The following TMEM91 variants were observed in gnomAD, a reference collection of about 807,000 sequenced individuals.
The protein encoded by TMEM91 is transmembrane protein 91, also known as dispanin subfamily C member 3.
TMEM91 carries 6 observed loss-of-function variants against 13.3 expected under a neutral mutation model. The ratio of observed to expected loss-of-function variants is 0.45; its 90% CI spans 0.25 to 0.89. The LOEUF (loss-of-function observed/expected upper bound fraction) is 0.89, where lower values mean the gene tolerates loss of function less well. Among genes scored for constraint, TMEM91 ranks in the 40% least tolerant of loss-of-function variants. TMEM91 has a pLI of 0.19. For synonymous variants in TMEM91, 87 were observed against 101.7 expected (o/e 0.86, Z 0.87); for missense variants, 193 against 228.7 (o/e 0.84, Z 1.01).
chr19:41,370,393 T>TTTTATTTTATTTATTTATTTA (rs1555758242), intron 1 of TMEM91, among the ~76,000 whole-genome samples: 1 of 142,986 alleles, frequency 7.0e-6, no homozygotes, highest in East Asian at 2.0e-4. Context: ...TTTATTTTTA[T>TTTTATTTTATTTATTTATTTA]TTTATTTATT....
intron 3 of TMEM91, chr19:41,383,412 A>C (rs1301199864): frequency 8.2e-6 from 8 of 972,808 alleles, no homozygotes; most frequent in Non-Finnish European, 1.1e-5. Flanking sequence ...CCTCATCTGT[A>C]AAGTGGGAAT....
intron 1 of TMEM91, among the ~76,000 whole-genome samples, chr19:41,369,887 T>G (rs754479560): frequency 6.6e-6 from 1 of 152,174 alleles, no homozygotes; most frequent in Admixed American, 6.6e-5. Context: ...TGTTTAAAAC[T>G]GTATTGTTCA....
At position 41,371,459 on chromosome 19, in the gene TMEM91, C is replaced by T. The variant is rs1030815830; in HGVS notation, c.-29-6822C>T. ...TCTTTCTTTCTTTCTGTTGCTCTGTCTCCAGGCTGGAGTGCAGTGGCACAA... is the reference window on the plus strand; with the variant it reads ...TCTTTCTTTCTTTCTGTTGCTCTGTTTCCAGGCTGGAGTGCAGTGGCACAA... On this transcript the variant is annotated intron_variant, in intron 1 of 3. Coordinates refer to the TMEM91 transcript ENST00000413014. Among the ~76,000 whole-genome samples the T allele has an allele frequency of 1.1e-4, 16 of 147,084 alleles. No homozygotes were observed. In the South Asian group the frequency reaches 1.8e-3, roughly 16 times the overall value.
At chr19:41,382,622 A>G (rs2038915891) in intron 2 of TMEM91, 150 bp from the exon 3 acceptor site, 6 of 1,119,030 alleles carry the variant, frequency 5.4e-6, no homozygotes, top group Non-Finnish European at 7.5e-6. Context: ...TCAAACAAAC[A>G]CCGAAAGCCC....
At chr19:41,383,419 G>A in intron 3 of TMEM91, 1 of 1,022,128 alleles carries the variant, frequency 9.8e-7, no homozygotes, top group Non-Finnish European at 1.3e-6. Context: ...TGTAAAGTGG[G>A]AATAATTGCT....
At chr19:41,376,182 CAAG>C (rs2038714419), upstream of TMEM91, 1 of 145,072 alleles carries the variant, frequency 6.9e-6, no homozygotes, top group African/African-American at 2.6e-5. Flanking sequence ...ACAACAACAA[CAAG>C]AAAAACCCGG....
In TMEM91 at chr19:41,376,776, C is replaced by G. The variant is rs550259930; in HGVS notation, c.-108C>G. 1 of 152,252 alleles carries G rather than the reference C, an allele frequency of 6.6e-6. No homozygotes were observed. The highest frequency in any genetic ancestry group is 2.4e-5 in the African/African-American group (1 of 41,452). 9.4% of individuals were successfully genotyped at this position (152,252 alleles called of 1,614,324 possible). A position where few individuals can be genotyped will look rare whatever the true frequency, so the allele number is the denominator to read the frequency against. On this transcript the variant is annotated 5_prime_UTR_variant, in exon 1 of 4. Coordinates refer to ENST00000392002, the MANE Select transcript of TMEM91 (RefSeq NM_001098821.2). ...TAGAGCAAAGCGCAAGGTCCCAGCG[C>G]CCCTTGGATCCTCGGTGGCAGGGTC...
chr19:41,383,920 A>G lies in TMEM91; in HGVS notation c.*47A>G, dbSNP rs750685614. 7.7e-5 allele frequency: 121 copies of G among 1,575,842 alleles called. No individual in the cohort carries two copies. Among genetic ancestry groups the G allele is most frequent in the Non-Finnish European group, 9.6e-5 (112 of 1,166,416 alleles). On this transcript the variant is annotated 3_prime_UTR_variant, in exon 4 of 4. Transcript: ENST00000392002. ...TGAACCCTGAGGCCGGCAGCCCAGCAAATCTGTGGGCAGAGAGTGGAGAAT... is the reference window on the plus strand; with the variant it reads ...TGAACCCTGAGGCCGGCAGCCCAGCGAATCTGTGGGCAGAGAGTGGAGAAT...
At chr19:41,377,739 G>A (rs1488535234) in intron 1 of TMEM91, among the ~76,000 whole-genome samples, 3 of 151,964 alleles carry the variant, frequency 2.0e-5, no homozygotes, top group South Asian at 2.1e-4. Flanking sequence ...GGCTGGGTGC[G>A]GTGGCTCACG....
intron 1 of TMEM91, among the ~76,000 whole-genome samples, chr19:41,366,527 C>T (rs1302559018): frequency 2.0e-5 from 3 of 152,142 alleles, no homozygotes; most frequent in African/African-American, 7.2e-5. Context: ...CCCATCTGCT[C>T]AGACCCGTCC....
At position 41,367,891 on chromosome 19, in the gene TMEM91, A is replaced by C. The variant is rs886179284; in HGVS notation, c.-30+3796A>C. Among the ~76,000 whole-genome samples the C allele has an allele frequency of 6.6e-5, 10 of 152,100 alleles. 1 individual carries two copies. The highest frequency in any genetic ancestry group is 6.6e-4 in the Admixed American group (10 of 15,262). On this transcript the variant is annotated intron_variant, in intron 1 of 3. Transcript: ENST00000413014. ...CTCAAGTGATCCACCTCTGCCTCCC[A>C]AAGTGCTGGGGTTACAGATGTGAGG...
At position 41,383,859 on chromosome 19, in the gene TMEM91, C is replaced by G; in HGVS notation, c.505C>G (p.Arg169Gly). 1 of 1,608,290 alleles carries G rather than the reference C, an allele frequency of 6.2e-7. No individual in the cohort carries two copies. The highest frequency in any genetic ancestry group is 8.5e-7 in the Non-Finnish European group (1 of 1,177,360). Reference sequence around the variant, plus strand: ...GACCCTGGCTGCCTACCTTGCCTCCCGAGACCCGCCCTAGTTGCCCCTACA... The same window carrying G: ...GACCCTGGCTGCCTACCTTGCCTCCGGAGACCCGCCCTAGTTGCCCCTACA... Reference protein sequence around the residue: ...LVTLAAYLASRDPP With the variant: ...LVTLAAYLASGDPP The change falls in exon 4 of 4, where the codon CGA (arginine) becomes GGA (glycine). Residue 169 changes from arginine to glycine, a missense_variant. Coordinates refer to ENST00000392002, the MANE Select transcript of TMEM91 (RefSeq NM_001098821.2).
At position 41,378,524 on chromosome 19, in the gene TMEM91, G is replaced by C. The variant is rs757547364; in HGVS notation, c.210+5G>C. 125 of 1,613,868 alleles carry C rather than the reference G, an allele frequency of 7.7e-5. No individual in the cohort carries two copies. Among genetic ancestry groups the C allele is most frequent in the Non-Finnish European group, 1.0e-4 (120 of 1,179,924 alleles). On this transcript the variant is annotated splice_donor_5th_base_variant and intron_variant, in intron 2 of 3. Transcript: ENST00000392002. Reference sequence around the variant, plus strand: ...CCAAGGCCCCCTGATGTTGAGGTAGGAAACAGCAGGCCTTAGTGGAAGGCA... The same window carrying C: ...CCAAGGCCCCCTGATGTTGAGGTAGCAAACAGCAGGCCTTAGTGGAAGGCA...
intron 1 of TMEM91, among the ~76,000 whole-genome samples, chr19:41,369,357 G>A (rs1276744810): frequency 6.6e-6 from 1 of 151,984 alleles, no homozygotes; most frequent in African/African-American, 2.4e-5. Context: ...AGTAGAGATG[G>A]GGTTTTGCCA....
intron 2 of TMEM91, among the ~76,000 whole-genome samples, chr19:41,382,204 T>C (rs977400126): frequency 6.6e-6 from 1 of 152,188 alleles, no homozygotes; most frequent in African/African-American, 2.4e-5. Flanking sequence ...TAAGCAATTG[T>C]AGCGTCCATG....
intron 2 of TMEM91, among the ~76,000 whole-genome samples, chr19:41,381,585 C>T (rs914637048): frequency 1.3e-5 from 2 of 152,020 alleles, no homozygotes; most frequent in African/African-American, 4.8e-5. Flanking sequence ...AGGACGGTCT[C>T]GATCTCCTGA....
chr19:41,364,660 G>GTCCAACTTCCAA (rs990641570), intron 1 of TMEM91, among the ~76,000 whole-genome samples: 10 of 152,044 alleles, frequency 6.6e-5, no homozygotes, highest in African/African-American at 2.2e-4. Context: ...AGTTGGATAA[G>GTCCAACTTCCAA]TCCAACTTCC....
intron 3 of TMEM91, 145 bp downstream of exon 3, chr19:41,383,066 A>C: frequency 8.0e-7 from 1 of 1,257,282 alleles, no homozygotes; most frequent in Non-Finnish European, 1.1e-6. Flanking sequence ...CACTCTCTGC[A>C]AGATTTTTTT....
intron 2 of TMEM91, 38 bp from the exon 3 acceptor site, chr19:41,382,734 G>C (rs750798993): frequency 6.3e-7 from 1 of 1,599,320 alleles, no homozygotes; most frequent in South Asian, 1.1e-5. Context: ...CAGGAAAGGT[G>C]GATGGAGATG....
Sources: allele counts gnomAD v4.1 joint callset (sites outside exome capture counted in the v4.1 genomes callset), GRCh38; gene constraint gnomAD v4.1.1; transcripts MANE v1.5; gene names NCBI Gene and HGNC (gene_info 2026-07-23, HGNC 2026-07-21).